Variants in ROBO2 observed in about 807,000 individuals in gnomAD.
The protein encoded by ROBO2 is roundabout guidance receptor 2, also known as roundabout homolog 2.
ROBO2 carries 53 observed loss-of-function variants against 160.8 expected under a neutral mutation model. That is an observed-to-expected ratio of 0.33 (90% CI 0.26 to 0.41). ROBO2 has a LOEUF of 0.41. ROBO2 is among the 10% of genes least tolerant of loss of function. The pLI is 1.00. For missense variants in ROBO2, 1,577 were observed against 1,722.4 expected, an observed-to-expected ratio of 0.92 and a Z score of 1.49; for synonymous variants, 664 against 611.7, an observed-to-expected ratio of 1.09 and a Z score of -1.26.
chr3:76,929,809 GA>G (rs2077223554), intron 2 of ROBO2, among the ~76,000 whole-genome samples: 1 of 145,972 alleles, frequency 6.9e-6, no homozygotes, highest in East Asian at 2.1e-4. Flanking sequence ...GAGAAGAAGA[GA>G]CTCCAATGTC....
intron 2 of ROBO2, among the ~76,000 whole-genome samples, chr3:77,398,332 A>C (rs2075469292): frequency 6.6e-6 from 1 of 152,112 alleles, no homozygotes; most frequent in Non-Finnish European, 1.5e-5. Flanking sequence ...GTGGGAAGCC[A>C]AGATGCCAAG....
intron 17 of ROBO2, among the ~76,000 whole-genome samples, chr3:77,590,001 G>T (rs556843339): frequency 6.6e-6 from 1 of 152,046 alleles, no homozygotes; most frequent in African/African-American, 2.4e-5. Context: ...AAGCTTTTAC[G>T]ATGCTGTGGC....
At chr3:76,232,494 A>G (rs947320461) in intron 2 of ROBO2, among the ~76,000 whole-genome samples, 6 of 152,240 alleles carry the variant, frequency 3.9e-5, no homozygotes, top group Non-Finnish European at 2.9e-5. Context: ...GGAAAGGAGA[A>G]TATATTTAAA....
chr3:76,575,310 C>A (rs1006545408), intron 2 of ROBO2, among the ~76,000 whole-genome samples: 44 of 151,986 alleles, frequency 2.9e-4, no homozygotes, highest in African/African-American at 1.0e-3. Context: ...CTAATACTTT[C>A]TTCTCTCCTA....
intron 2 of ROBO2, among the ~76,000 whole-genome samples, chr3:76,822,788 C>G (rs1332669377): frequency 6.6e-6 from 1 of 151,600 alleles, no homozygotes; most frequent in African/African-American, 2.4e-5. Context: ...TTTCATGGTT[C>G]CCTAAAGAAG....
intron 2 of ROBO2, among the ~76,000 whole-genome samples, chr3:77,344,750 T>G (rs2067445928): frequency 6.6e-6 from 1 of 152,210 alleles, no homozygotes; most frequent in Admixed American, 6.5e-5. Context: ...CATTGAATGG[T>G]TGTTAAAGAT....
intron 2 of ROBO2, among the ~76,000 whole-genome samples, chr3:76,410,539 A>G (rs1225612890): frequency 6.6e-6 from 1 of 152,138 alleles, no homozygotes; most frequent in African/African-American, 2.4e-5. Flanking sequence ...TCAGGTTCTC[A>G]GTTGTCTTCT....
At chr3:76,248,160 T>G (rs1705740959) in intron 2 of ROBO2, among the ~76,000 whole-genome samples, 2 of 151,946 alleles carry the variant, frequency 1.3e-5, no homozygotes, top group South Asian at 2.1e-4. Flanking sequence ...CAAAGGACTA[T>G]AAATCATGCT....
At chr3:75,919,957 A>G (rs1485285781) in intron 1 of ROBO2, among the ~76,000 whole-genome samples, 2 of 151,864 alleles carry the variant, frequency 1.3e-5, no homozygotes, top group African/African-American at 4.8e-5. Flanking sequence ...CTACCGGTCT[A>G]TCTATTTTGT....
chr3:76,117,500 A>G (rs867764972), intron 2 of ROBO2, among the ~76,000 whole-genome samples: 1 of 152,188 alleles, frequency 6.6e-6, no homozygotes, highest in Non-Finnish European at 1.5e-5. Flanking sequence ...GTGTATGTCA[A>G]TGAAAATCAA....
intron 2 of ROBO2, among the ~76,000 whole-genome samples, chr3:77,212,080 G>A (rs1401927186): frequency 2.0e-5 from 3 of 151,932 alleles, no homozygotes; most frequent in African/African-American, 2.4e-5. Context: ...TTCCATATGA[G>A]CTTGAAAGTA....
At chr3:77,110,840 T>C (rs1287422468) in intron 2 of ROBO2, among the ~76,000 whole-genome samples, 1 of 151,948 alleles carries the variant, frequency 6.6e-6, no homozygotes, top group Non-Finnish European at 1.5e-5. Flanking sequence ...GCTACAGGCA[T>C]GTGTCACCAA....
At chr3:76,427,199 A>G (rs145646775) in intron 2 of ROBO2, among the ~76,000 whole-genome samples, 171 of 151,766 alleles carry the variant, frequency 1.1e-3, no homozygotes, top group African/African-American at 4.0e-3. Context: ...TATTTCCACT[A>G]CTGTGTTCTG....
chr3:77,490,459 CTGTT>C (rs1463357469), intron 4 of ROBO2, among the ~76,000 whole-genome samples: 1 of 152,144 alleles, frequency 6.6e-6, no homozygotes, highest in Non-Finnish European at 1.5e-5. Context: ...TTTAAAAAGT[CTGTT>C]TGATTCCTTC....
At chr3:76,935,693 T>C (rs1300134138) in intron 2 of ROBO2, among the ~76,000 whole-genome samples, 5 of 152,172 alleles carry the variant, frequency 3.3e-5, no homozygotes, top group Non-Finnish European at 5.9e-5. Context: ...AGATGGTGCC[T>C]TCTAGCTGTG....
chr3:76,440,316 A>G (rs181036708), intron 2 of ROBO2, among the ~76,000 whole-genome samples: 318 of 152,092 alleles, frequency 2.1e-3, no homozygotes, highest in African/African-American at 7.4e-3. Context: ...TTTGTTACAT[A>G]TGTATACATG....
chr3:76,802,909 C>T (rs2064337670), intron 2 of ROBO2, among the ~76,000 whole-genome samples: 1 of 151,928 alleles, frequency 6.6e-6, no homozygotes. Flanking sequence ...TATTTGTGGC[C>T]AGGAGAGAAG....
chr3:76,601,341 T>G (rs2108947143), intron 2 of ROBO2, among the ~76,000 whole-genome samples: 1 of 152,162 alleles, frequency 6.6e-6, no homozygotes, highest in African/African-American at 2.4e-5. Flanking sequence ...TGTGTGGGGG[T>G]CCAACCCCAC....
chr3:77,012,156 AATGTTTTAT>A (rs2061959008), intron 2 of ROBO2, among the ~76,000 whole-genome samples: 1 of 152,106 alleles, frequency 6.6e-6, no homozygotes, highest in Non-Finnish European at 1.5e-5. Context: ...GAATACATGA[AATGTTTTAT>A]TTGATACTTC....
Sources: gnomAD v4.1 joint callset for allele counts (sites outside exome capture counted in the v4.1 genomes callset) on GRCh38, gnomAD v4.1.1 for gene constraint, MANE v1.5 for transcripts, NCBI Gene and HGNC (gene_info 2026-07-23, HGNC 2026-07-21) for gene names.